Variants in CRACD observed in about 807,000 individuals in gnomAD.
CRACD encodes the protein capping protein inhibiting regulator of actin dynamics.
A neutral mutation model predicts 106.8 loss-of-function variants in CRACD; 56 were observed. The ratio of observed to expected loss-of-function variants is 0.52; its 90% CI spans 0.42 to 0.66. The LOEUF is 0.66. CRACD is among the 30% of genes least tolerant of loss of function. The pLI, the probability that CRACD is intolerant of heterozygous loss-of-function variation, is 0.00. For synonymous variants in CRACD, 754 were observed against 670.8 expected (o/e 1.12, Z -1.92); for missense variants, 1,730 against 1,623.2 (o/e 1.07, Z -1.13).
intron 1 of CRACD, among the ~76,000 whole-genome samples, chr4:56,096,591 A>G (rs913968527): frequency 2.6e-5 from 4 of 152,028 alleles, no homozygotes; most frequent in African/African-American, 7.2e-5. Context: ...GAGTGCACCT[A>G]TAGTAGATCC....
chr4:56,159,095 G>A (rs906550430), intron 1 of CRACD, among the ~76,000 whole-genome samples: 1 of 152,156 alleles, frequency 6.6e-6, no homozygotes, highest in Non-Finnish European at 1.5e-5. Flanking sequence ...ACCCCTCTGG[G>A]GAGGAATCAC....
chr4:56,069,805 A>T (rs1732576571), intron 1 of CRACD, among the ~76,000 whole-genome samples: 1 of 152,198 alleles, frequency 6.6e-6, no homozygotes, highest in Non-Finnish European at 1.5e-5. Flanking sequence ...TCGAAAAAAG[A>T]GACTATACCA....
intron 1 of CRACD, among the ~76,000 whole-genome samples, chr4:56,053,223 T>C (rs1577931911): frequency 2.0e-5 from 3 of 152,204 alleles, no homozygotes; most frequent in African/African-American, 7.2e-5. Flanking sequence ...TCATAGTGTA[T>C]TGATTGGTCT....
intron 1 of CRACD, among the ~76,000 whole-genome samples, chr4:56,074,728 T>A (rs894971113): frequency 6.6e-6 from 1 of 152,190 alleles, no homozygotes; most frequent in Non-Finnish European, 1.5e-5. Flanking sequence ...CTATGTTGAA[T>A]AGGAGTGGTG....
At chr4:56,115,891 T>A (rs1734258862) in intron 1 of CRACD, among the ~76,000 whole-genome samples, 1 of 152,212 alleles carries the variant, frequency 6.6e-6, no homozygotes, top group South Asian at 2.1e-4. Context: ...ATTATCTGGT[T>A]TATAAACTGG....
chr4:56,167,464 A>G (rs897132214), intron 1 of CRACD, among the ~76,000 whole-genome samples: 3 of 152,184 alleles, frequency 2.0e-5, no homozygotes, highest in Admixed American at 6.5e-5. Context: ...CTCAAATACC[A>G]TTTATTCTTC....
At chr4:56,248,474 A>G (rs1232904016) in intron 2 of CRACD, among the ~76,000 whole-genome samples, 1 of 151,590 alleles carries the variant, frequency 6.6e-6, no homozygotes, top group East Asian at 2.0e-4. Flanking sequence ...AAAAATTAAG[A>G]TGCCATCAAG....
At chr4:56,114,308 A>G (rs1734213044) in intron 1 of CRACD, among the ~76,000 whole-genome samples, 1 of 151,726 alleles carries the variant, frequency 6.6e-6, no homozygotes, top group Non-Finnish European at 1.5e-5. Flanking sequence ...TCCACTTTTC[A>G]TGCAAGAAAA....
chr4:56,221,734 A>G (rs1739046765), intron 2 of CRACD, among the ~76,000 whole-genome samples: 1 of 152,210 alleles, frequency 6.6e-6, no homozygotes, highest in Admixed American at 6.5e-5. Context: ...TGACATGAAC[A>G]GACATTTCTC....
intron 2 of CRACD, among the ~76,000 whole-genome samples, chr4:56,188,711 C>CACACAGAG (rs1446016845): frequency 1.7e-4 from 19 of 113,098 alleles, no homozygotes; most frequent in African/African-American, 2.7e-4. Flanking sequence ...CACACACACA[C>CACACAGAG]AGAGAGAGAG....
At chr4:56,326,960 G>A (rs553988856) in intron 10 of CRACD, among the ~76,000 whole-genome samples, 10 of 152,042 alleles carry the variant, frequency 6.6e-5, no homozygotes, top group East Asian at 1.9e-4. Flanking sequence ...GGCTGGTCTC[G>A]AACTCCTGAC....
intron 8 of CRACD, among the ~76,000 whole-genome samples, chr4:56,317,639 T>C (rs544448046): frequency 3.3e-5 from 5 of 152,276 alleles, no homozygotes; most frequent in African/African-American, 1.2e-4. Context: ...GATGGCAGTT[T>C]AGGGGACTTT....
At chr4:56,254,833 G>A (rs1000615922) in intron 2 of CRACD, among the ~76,000 whole-genome samples, 4 of 151,644 alleles carry the variant, frequency 2.6e-5, no homozygotes, top group Admixed American at 6.6e-5. Flanking sequence ...AGCTGGCCGC[G>A]GTGGCTCACG....
intron 2 of CRACD, among the ~76,000 whole-genome samples, chr4:56,197,176 C>T (rs1397515298): frequency 1.3e-5 from 2 of 151,772 alleles, no homozygotes; most frequent in African/African-American, 4.8e-5. Flanking sequence ...ATTTTATATT[C>T]CCATTTTATT....
intron 2 of CRACD, chr4:56,196,574 C>T (rs990166488): frequency 6.6e-6 from 1 of 152,454 alleles, no homozygotes; most frequent in African/African-American, 2.4e-5. Context: ...ATCAAAGCAC[C>T]TAGATATAAG....
intron 1 of CRACD, among the ~76,000 whole-genome samples, chr4:56,102,531 T>G (rs1316405151): frequency 2.0e-5 from 3 of 152,188 alleles, no homozygotes; most frequent in Non-Finnish European, 4.4e-5. Context: ...AGATCATCCA[T>G]TTGAACGAAT....
At chr4:56,139,551 G>A (rs1460304026) in intron 1 of CRACD, among the ~76,000 whole-genome samples, 1 of 152,204 alleles carries the variant, frequency 6.6e-6, no homozygotes, top group Non-Finnish European at 1.5e-5. Context: ...AGGTTCTGAA[G>A]GGAATGCTGG....
intron 1 of CRACD, among the ~76,000 whole-genome samples, chr4:56,063,278 C>G (rs1470108907): frequency 6.6e-6 from 1 of 151,984 alleles, no homozygotes; most frequent in Non-Finnish European, 1.5e-5. Flanking sequence ...ACCACAGCCT[C>G]GACCTCTTGG....
intron 2 of CRACD, among the ~76,000 whole-genome samples, chr4:56,232,381 C>A (rs1478545663): frequency 6.6e-6 from 1 of 152,136 alleles, no homozygotes; most frequent in Admixed American, 6.5e-5. Context: ...GGATATACCA[C>A]AATTTGTTTA....
Sources: gnomAD v4.1 joint callset for allele counts (sites outside exome capture counted in the v4.1 genomes callset) on GRCh38, gnomAD v4.1.1 for gene constraint, MANE v1.5 for transcripts, NCBI Gene and HGNC (gene_info 2026-07-23, HGNC 2026-07-21) for gene names.